FARP2: variants seen among roughly 807,000 people sequenced by gnomAD.
FARP2 encodes FERM, ARH/RhoGEF and pleckstrin domain protein 2.
A neutral mutation model predicts 130.5 loss-of-function variants in FARP2; 111 were observed. That is an observed-to-expected ratio of 0.85 (90% confidence interval 0.73 to 1.00). FARP2 has a LOEUF of 1.00. FARP2 is among the 50% of genes least tolerant of loss of function. FARP2 has a pLI of 0.00. For synonymous variants in FARP2, 504 were observed against 516.9 expected, an observed-to-expected ratio of 0.98 and a Z score of 0.34; for missense variants, 1,385 against 1,346.3, an observed-to-expected ratio of 1.03 and a Z score of -0.45.
At chr2:241,383,717 GCCTGCAGAATTT>G (rs1425731331) in intron 2 of FARP2, among the ~76,000 whole-genome samples, 13 of 152,078 alleles carry the variant, frequency 8.5e-5, no homozygotes, top group African/African-American at 2.9e-4. Flanking sequence ...TGAAGGTGGA[GCCTGCAGAATTT>G]GCTGGTGCTG....
In FARP2 at chr2:241,457,401, C is replaced by T. The variant is rs117130051; in HGVS notation, c.1587+479C>T. Among the ~76,000 whole-genome samples, 971 of 125,714 alleles carry T rather than the reference C, an allele frequency of 7.7e-3. 3 individuals carry two copies. Among genetic ancestry groups the T allele is most frequent in the Middle Eastern group, 0.048 (9 of 186 alleles). 82.5% of individuals were successfully genotyped at this position (125,714 alleles called of 152,430 possible). ...GTGCACTAGGGACTGCTTTGGGTTC[C>T]GGAGAGGCTCTTGGGCAGGAGGCCC... is the stretch of plus-strand genomic sequence containing the variant. On this transcript the variant is annotated intron_variant, in intron 14 of 26. Coordinates refer to ENST00000264042, the MANE Select transcript of FARP2 (RefSeq NM_014808.4).
In FARP2 at chr2:241,463,425, C is replaced by T; in HGVS notation, c.1768C>T (p.His590Tyr). Residue 590 changes from histidine (H) to tyrosine (Y), a missense_variant, in exon 16 of 27, where the codon CAC becomes TAC. His to Tyr is a moderately conservative substitution (Grantham distance 83). Coordinates refer to ENST00000264042, the MANE Select transcript of FARP2 (RefSeq NM_014808.4). ...CAACATCGATCCCATCTATGAGTTC[C>T]ACAGAGGCTTCCTGCGCGAGGTGGA... ...FSNIDPIYEF[H>Y]RGFLREVEQR... 6.2e-7 allele frequency: 1 copy of T among 1,614,070 alleles called. No individual in the cohort carries two copies. Among genetic ancestry groups the T allele is most frequent in the Non-Finnish European group, 8.5e-7 (1 of 1,180,016 alleles).
At chr2:241,360,386 A>G (rs1401760369) in intron 1 of FARP2, among the ~76,000 whole-genome samples, 3 of 152,204 alleles carry the variant, frequency 2.0e-5, no homozygotes, top group Non-Finnish European at 4.4e-5. Context: ...CACGCCTGTA[A>G]TCATAGCACT....
chr2:241,358,367 A>T (rs771031988), intron 1 of FARP2, among the ~76,000 whole-genome samples: 2 of 152,252 alleles, frequency 1.3e-5, no homozygotes, highest in African/African-American at 2.4e-5. Context: ...GGCAATAATT[A>T]AGCAAATTTA....
intron 14 of FARP2, among the ~76,000 whole-genome samples, chr2:241,461,581 G>A (rs545003079): frequency 1.3e-5 from 2 of 152,326 alleles, no homozygotes; most frequent in East Asian, 1.9e-4. Flanking sequence ...TCTGCTCTGC[G>A]TTATGTCTTG....
chr2:241,413,570 G>A, intron 7 of FARP2, 149 bp downstream of exon 7: 1 of 616,170 alleles, frequency 1.6e-6, no homozygotes, highest in East Asian at 2.8e-5. Flanking sequence ...TGCTGCCAGA[G>A]GCAGCTTGGC....
At chr2:241,419,635 C>T (rs981729158) in intron 8 of FARP2, among the ~76,000 whole-genome samples, 2 of 152,156 alleles carry the variant, frequency 1.3e-5, no homozygotes, top group African/African-American at 4.8e-5. Context: ...GGAGTGGGAC[C>T]TGACTTTGCA....
Position 241,462,555 on chromosome 2 carries a change from C to CA in FARP2, c.1623dup (p.Glu542ArgfsTer47), listed in dbSNP as rs766628825. On this transcript the variant is annotated frameshift_variant, in exon 15 of 27. Transcript: ENST00000264042. LOFTEE classifies it high-confidence loss of function. ...CTGCAGACGAGGCCTACTTCATAGTCAAAGAGATTCTCGCTACAGAACGAA... is the reference window on the plus strand; with the variant it reads ...CTGCAGACGAGGCCTACTTCATAGTCAAAAGAGATTCTCGCTACAGAACGAA... 2.5e-6 allele frequency: 4 copies of CA among 1,613,910 alleles called. No homozygotes were observed. The highest frequency in any genetic ancestry group is 2.5e-6 in the Non-Finnish European group (3 of 1,179,900).
intron 1 of FARP2, among the ~76,000 whole-genome samples, chr2:241,361,963 T>G (rs1462823901): frequency 6.6e-6 from 1 of 151,970 alleles, no homozygotes; most frequent in Non-Finnish European, 1.5e-5. Flanking sequence ...GGTGCAATCT[T>G]GGCTCACTGC....
intron 13 of FARP2, among the ~76,000 whole-genome samples, chr2:241,447,755 A>G (rs2063544589): frequency 6.6e-6 from 1 of 152,134 alleles, no homozygotes; most frequent in African/African-American, 2.4e-5. Context: ...TGGAATGTCC[A>G]TGCCTCTCTA....
chr2:241,377,308 G>GGAAAA (rs1401112358), intron 2 of FARP2, among the ~76,000 whole-genome samples: 5 of 151,648 alleles, frequency 3.3e-5, no homozygotes, highest in Non-Finnish European at 7.4e-5. Flanking sequence ...TTAACATAGG[G>GGAAAA]GAAATTTTGA....
At chr2:241,435,575 G>A (rs1215989555) in intron 11 of FARP2, among the ~76,000 whole-genome samples, 29 of 148,460 alleles carry the variant, frequency 2.0e-4, no homozygotes, top group African/African-American at 5.2e-4. Flanking sequence ...GCAGTGGTGC[G>A]ATCTCGGCTC....
At chr2:241,369,494 C>A (rs2061379805) in intron 1 of FARP2, among the ~76,000 whole-genome samples, 1 of 151,704 alleles carries the variant, frequency 6.6e-6, no homozygotes, top group Non-Finnish European at 1.5e-5. Context: ...ATGGTTTTAT[C>A]AGTGGAATGT....
At chr2:241,398,233 T>G (rs192183031) in intron 2 of FARP2, among the ~76,000 whole-genome samples, 6 of 152,314 alleles carry the variant, frequency 3.9e-5, no homozygotes, top group African/African-American at 1.2e-4. Context: ...TATACACTTA[T>G]GTATCCCCAC....
intron 12 of FARP2, among the ~76,000 whole-genome samples, 161 bp downstream of exon 12, chr2:241,436,699 A>G (rs931522921): frequency 6.6e-6 from 1 of 152,240 alleles, no homozygotes; most frequent in African/African-American, 2.4e-5. Context: ...TCCTGAATAG[A>G]AAGCCAGCAG....
At chr2:241,375,582 A>G (rs993137388) in intron 2 of FARP2, among the ~76,000 whole-genome samples, 4 of 152,180 alleles carry the variant, frequency 2.6e-5, no homozygotes, top group Non-Finnish European at 5.9e-5. Flanking sequence ...CATTTTGTGA[A>G]GGTTTTACAA....
At chr2:241,466,003 A>G in intron 17 of FARP2, 1 of 1,362,834 alleles carries the variant, frequency 7.3e-7, no homozygotes, top group Non-Finnish European at 9.5e-7. Context: ...TTTAAAATTG[A>G]AATATACACA....
intron 21 of FARP2, chr2:241,489,304 A>G (rs2064836861): frequency 6.6e-6 from 1 of 152,260 alleles, no homozygotes; most frequent in Admixed American, 6.5e-5. Context: ...CATCTTTATC[A>G]TGTTAACACA....
chr2:241,493,974 G>T, intron 26 of FARP2, 34 bp from the exon 27 acceptor site: 1 of 1,260,068 alleles, frequency 7.9e-7, no homozygotes. Flanking sequence ...AGCACAAGAT[G>T]GCTCACTGGT....
Sources: allele counts gnomAD v4.1 joint callset (sites outside exome capture counted in the v4.1 genomes callset), GRCh38; gene constraint gnomAD v4.1.1; transcripts MANE v1.5; gene names NCBI Gene and HGNC (gene_info 2026-07-23, HGNC 2026-07-21).